FBXL2: variants seen among roughly 807,000 people sequenced by gnomAD.
The protein encoded by FBXL2 is F-box and leucine rich repeat protein 2.
A neutral mutation model predicts 69.2 loss-of-function variants in FBXL2; 38 were observed. That is an observed-to-expected ratio of 0.55 (90% CI 0.42 to 0.72). The LOEUF is 0.72. Among genes scored for constraint, FBXL2 ranks in the 30% least tolerant of loss-of-function variants. The probability of loss-of-function intolerance (pLI) is 0.00; values close to 1 mark genes in which losing one functional copy is unlikely to be tolerated. For missense variants in FBXL2, 354 were observed against 520.3 expected (o/e 0.68, Z 3.11); for synonymous variants, 192 against 201.3 (o/e 0.95, Z 0.39).
chr3:33,393,441 G>A lies in FBXL2; in HGVS notation n.1214+7713G>A, dbSNP rs146232029. 10 of 1,592,574 alleles carry A rather than the reference G, an allele frequency of 6.3e-6. No individual in the cohort carries two copies. The African/African-American group carries it at 9.6e-5, about 15-fold the overall frequency. On this transcript the variant is annotated intron_variant and non_coding_transcript_variant, in intron 12 of 12. Transcript: ENST00000463736. ...CTGAGGCAATCATTTCTTCCAAGTA[G>A]ATTGCATGATAAACTGAAATTAAAA... is the stretch of plus-strand genomic sequence containing the variant.
At chr3:33,323,937 T>C (rs977521412) in intron 2 of FBXL2, among the ~76,000 whole-genome samples, 2 of 152,202 alleles carry the variant, frequency 1.3e-5, no homozygotes, top group African/African-American at 4.8e-5. Flanking sequence ...TGTAAGAGCG[T>C]TCCTATTTCT....
intron 12 of FBXL2, among the ~76,000 whole-genome samples, chr3:33,394,375 T>A (rs912212231): frequency 1.3e-5 from 2 of 152,092 alleles, no homozygotes; most frequent in Non-Finnish European, 2.9e-5. Flanking sequence ...CCAGTAATCC[T>A]ACTACTAGGA....
chr3:33,375,192 C>A, intron 9 of FBXL2, 96 bp from the exon 10 acceptor site: 1 of 1,488,516 alleles, frequency 6.7e-7, no homozygotes. Flanking sequence ...TAGTAATCAG[C>A]AACCAAAACT....
chr3:33,408,623 G>T, downstream of FBXL2: 2 of 1,317,376 alleles, frequency 1.5e-6, no homozygotes, highest in Non-Finnish European at 2.1e-6. Flanking sequence ...TGCGGTGGAA[G>T]TTGGTCCTAT....
downstream of FBXL2, chr3:33,392,543 C>G (rs746407193): frequency 1.1e-5 from 18 of 1,597,276 alleles, no homozygotes; most frequent in Non-Finnish European, 1.5e-5. Flanking sequence ...CATTTTAAGA[C>G]ACACACACAT....
chr3:33,411,564 A>G, the FBXL2 span: 1 of 1,609,228 alleles, frequency 6.2e-7, no homozygotes, highest in Non-Finnish European at 8.5e-7. Flanking sequence ...AGCTTCTAAT[A>G]ATGTAAAAAT....
At chr3:33,354,733 A>G (rs2041078812) in intron 2 of FBXL2, among the ~76,000 whole-genome samples, 1 of 152,202 alleles carries the variant, frequency 6.6e-6, no homozygotes, top group African/African-American at 2.4e-5. Context: ...TGTATTTATC[A>G]TTGTACTAGA....
intron 1 of FBXL2, among the ~76,000 whole-genome samples, chr3:33,293,460 A>G (rs1199147691): frequency 6.6e-6 from 1 of 152,200 alleles, no homozygotes; most frequent in African/African-American, 2.4e-5. Flanking sequence ...TTGGATTATA[A>G]GACTCTTTTG....
chr3:33,360,867 A>G (rs1575336747), intron 4 of FBXL2, among the ~76,000 whole-genome samples: 1 of 143,818 alleles, frequency 7.0e-6, no homozygotes, highest in Non-Finnish European at 1.5e-5. Context: ...TGTCTCCTCA[A>G]TTTTGATGAC....
chr3:33,410,291 G>A, the FBXL2 span, among the ~76,000 whole-genome samples: 8 of 152,170 alleles, frequency 5.3e-5, no homozygotes, highest in South Asian at 2.1e-4. Context: ...GGTCATTTCT[G>A]ACTGCTGCAC....
chr3:33,349,698 G>T (rs1351982768), intron 2 of FBXL2, among the ~76,000 whole-genome samples: 1 of 151,948 alleles, frequency 6.6e-6, no homozygotes, highest in African/African-American at 2.4e-5. Context: ...CAAATGTTTG[G>T]CAGAATTCAG....
chr3:33,284,773 T>C (rs1267100899), intron 1 of FBXL2, among the ~76,000 whole-genome samples: 3 of 152,246 alleles, frequency 2.0e-5, no homozygotes, highest in Non-Finnish European at 4.4e-5. Context: ...GCTCTTGTTG[T>C]TGAATTGATC....
the FBXL2 span, among the ~76,000 whole-genome samples, chr3:33,418,011 T>G: frequency 6.6e-6 from 1 of 152,158 alleles, no homozygotes; most frequent in Non-Finnish European, 1.5e-5. Context: ...AAAAAACACC[T>G]GTATGGGAAG....
rs1404178147 is a variant in FBXL2 at position 33,318,750 on chromosome 3, CTAT to C, written c.65+21030_65+21032del. ...AACATAACTGATGTTTTTTAAACAT[CTAT>C]TATTGCTCAACTAATAGAATTCGGT... On this transcript the variant is annotated intron_variant, in intron 2 of 14. Coordinates refer to ENST00000484457, the MANE Select transcript of FBXL2 (RefSeq NM_012157.5). 5.0e-5 allele frequency among the ~76,000 whole-genome samples: 3 copies of C among 60,242 alleles called. No individual in the cohort carries two copies. In the East Asian group the frequency reaches 3.6e-3, roughly 72 times the overall value. The allele number at this position is 60,242 out of a possible 152,430, so 39.5% of individuals were successfully genotyped here.
At chr3:33,334,787 A>G (rs956892553) in intron 2 of FBXL2, among the ~76,000 whole-genome samples, 4 of 152,272 alleles carry the variant, frequency 2.6e-5, no homozygotes, top group East Asian at 3.9e-4. Context: ...AAGGCTAAAA[A>G]AATTGGGGGG....
chr3:33,313,615 G>GTTTTTTTTTTTTTT (rs766273521), intron 2 of FBXL2, among the ~76,000 whole-genome samples: 2 of 148,308 alleles, frequency 1.3e-5, no homozygotes, highest in African/African-American at 2.5e-5. Context: ...TCAGATAATT[G>GTTTTTTTTTTTTTT]TTTTATTTTT....
intron 2 of FBXL2, among the ~76,000 whole-genome samples, chr3:33,306,657 G>A (rs1408201132): frequency 6.6e-6 from 1 of 152,092 alleles, no homozygotes; most frequent in African/African-American, 2.4e-5. Flanking sequence ...TGCTTATTGT[G>A]TCCTCACAGT....
At chr3:33,286,969 C>G (rs1015851454) in intron 1 of FBXL2, among the ~76,000 whole-genome samples, 5 of 152,322 alleles carry the variant, frequency 3.3e-5, no homozygotes, top group African/African-American at 1.2e-4. Context: ...GGGAACTCCC[C>G]GACCCCTTGC....
intron 10 of FBXL2, among the ~76,000 whole-genome samples, chr3:33,375,955 G>A (rs867665154): frequency 4.6e-5 from 7 of 152,080 alleles, no homozygotes; most frequent in African/African-American, 1.7e-4. Context: ...TCAGGAATTC[G>A]AAACCAGCCT....
Sources: allele counts gnomAD v4.1 joint callset (sites outside exome capture counted in the v4.1 genomes callset), GRCh38; gene constraint gnomAD v4.1.1; transcripts MANE v1.5; gene names NCBI Gene and HGNC (gene_info 2026-07-23, HGNC 2026-07-21).